Variants in KIAA1217 observed in about 807,000 individuals in gnomAD.
The protein encoded by KIAA1217 is sickle tail protein homolog.
In KIAA1217, 88 loss-of-function variants were observed where a neutral mutation model predicts 163.9. That is an observed-to-expected ratio of 0.54 (90% CI 0.45 to 0.64). KIAA1217 has a LOEUF of 0.64. KIAA1217 is among the 30% of genes least tolerant of loss of function. KIAA1217 has a pLI of 0.00. For synonymous variants in KIAA1217, 903 were observed against 923.1 expected (o/e 0.98, Z 0.39); for missense variants, 2,372 against 2,475.0 (o/e 0.96, Z 0.88).
chr10:24,358,470 A>T (rs1234716701), intron 2 of KIAA1217, among the ~76,000 whole-genome samples: 1 of 152,220 alleles, frequency 6.6e-6, no homozygotes, highest in Non-Finnish European at 1.5e-5. Context: ...TGTGAATGTG[A>T]TACCAGTCCT....
At chr10:23,746,250 A>G (rs867666297) in intron 1 of KIAA1217, among the ~76,000 whole-genome samples, 3 of 152,110 alleles carry the variant, frequency 2.0e-5, no homozygotes, top group African/African-American at 4.8e-5. Flanking sequence ...CTCTTTCACC[A>G]TGTGATCTTT....
At chr10:23,905,063 C>CTTTTTTTTTTTTT (rs562938938) in intron 1 of KIAA1217, among the ~76,000 whole-genome samples, 17 of 99,944 alleles carry the variant, frequency 1.7e-4, no homozygotes, top group East Asian at 8.4e-4. Flanking sequence ...TTCTCTTTTC[C>CTTTTTTTTTTTTT]TTTTTTTTTT....
At chr10:24,323,373 G>A (rs749979077) in intron 2 of KIAA1217, among the ~76,000 whole-genome samples, 8 of 152,098 alleles carry the variant, frequency 5.3e-5, no homozygotes, top group Non-Finnish European at 1.2e-4. Context: ...AGATTTTTGC[G>A]TGCCGTCAGT....
At chr10:24,131,120 C>T (rs1454474308) in intron 2 of KIAA1217, among the ~76,000 whole-genome samples, 1 of 152,166 alleles carries the variant, frequency 6.6e-6, no homozygotes, top group Non-Finnish European at 1.5e-5. Context: ...AATCACTTTC[C>T]TTCTATTTTA....
At chr10:24,410,381 G>A (rs1411363256) in intron 3 of KIAA1217, among the ~76,000 whole-genome samples, 1 of 152,104 alleles carries the variant, frequency 6.6e-6, no homozygotes, top group Non-Finnish European at 1.5e-5. Context: ...AAACTGTTTT[G>A]AAAACAGAGA....
intron 3 of KIAA1217, among the ~76,000 whole-genome samples, chr10:24,385,669 G>T (rs2053907506): frequency 6.6e-6 from 1 of 152,140 alleles, no homozygotes; most frequent in African/African-American, 2.4e-5. Context: ...AGAGTGATGG[G>T]TTCCCTGCCC....
chr10:24,079,417 C>T (rs140412835), intron 2 of KIAA1217, among the ~76,000 whole-genome samples: 380 of 152,210 alleles, frequency 2.5e-3, no homozygotes, highest in African/African-American at 8.1e-3. Context: ...TCCACGCTCT[C>T]CTGGTACACT....
At chr10:23,823,876 T>G (rs74568034) in intron 1 of KIAA1217, among the ~76,000 whole-genome samples, 1,884 of 148,716 alleles carry the variant, frequency 0.013, 33 homozygotes, top group South Asian at 0.053. Flanking sequence ...GAAAGTTGCA[T>G]AGATGGAGAA....
At chr10:24,464,276 A>G (rs2062714914) in intron 5 of KIAA1217, among the ~76,000 whole-genome samples, 1 of 152,118 alleles carries the variant, frequency 6.6e-6, no homozygotes, top group Non-Finnish European at 1.5e-5. Flanking sequence ...CTGCTCTTGT[A>G]ATGACGAATC....
chr10:24,372,975 A>T (rs1296218710), intron 2 of KIAA1217, among the ~76,000 whole-genome samples: 1 of 152,252 alleles, frequency 6.6e-6, no homozygotes, highest in Non-Finnish European at 1.5e-5. Context: ...TGAGAAATTC[A>T]TCCTCATCAT....
intron 1 of KIAA1217, among the ~76,000 whole-genome samples, chr10:23,731,486 G>A (rs971866028): frequency 2.0e-5 from 3 of 152,188 alleles, no homozygotes; most frequent in African/African-American, 7.2e-5. Flanking sequence ...TCTCTTATCC[G>A]GTGAAAAAGG....
rs1245423030 is a variant in KIAA1217, at chr10:23,779,597, G to A, written c.-321+84363G>A. Reference sequence around the variant, plus strand: ...GTAATTGTCAGCACTGTTATTTTACGTTTACCCTGTCCTTTAAATGCTCTA... The same window carrying A: ...GTAATTGTCAGCACTGTTATTTTACATTTACCCTGTCCTTTAAATGCTCTA... On this transcript the variant is annotated intron_variant, in intron 1 of 18. Coordinates refer to the KIAA1217 transcript ENST00000376462. Among the ~76,000 whole-genome samples, 5 of 152,068 alleles carry A rather than the reference G, an allele frequency of 3.3e-5. No homozygotes were observed. In the East Asian group the frequency reaches 5.8e-4, roughly 18 times the overall value.
chr10:23,834,666 G>A (rs893630101), intron 1 of KIAA1217, among the ~76,000 whole-genome samples: 2 of 152,212 alleles, frequency 1.3e-5, no homozygotes, highest in Admixed American at 6.5e-5. Flanking sequence ...TGGCTGGAAT[G>A]AAGAAAGGAA....
intron 1 of KIAA1217, among the ~76,000 whole-genome samples, chr10:23,915,234 G>C (rs1196493707): frequency 6.6e-6 from 1 of 152,122 alleles, no homozygotes; most frequent in Non-Finnish European, 1.5e-5. Flanking sequence ...TAAGAAAAAA[G>C]AAGAGGTCCT....
At chr10:23,932,057 T>A (rs1843274952) in intron 1 of KIAA1217, among the ~76,000 whole-genome samples, 1 of 152,088 alleles carries the variant, frequency 6.6e-6, no homozygotes, top group South Asian at 2.1e-4. Flanking sequence ...AGCAGAAGAA[T>A]GCACACCTGG....
intron 3 of KIAA1217, among the ~76,000 whole-genome samples, chr10:24,394,727 C>T (rs908230608): frequency 3.9e-5 from 6 of 152,132 alleles, no homozygotes; most frequent in African/African-American, 1.2e-4. Flanking sequence ...ACATCCCTGC[C>T]GCTCTCTGCT....
chr10:23,744,706 C>T (rs1433589220), intron 1 of KIAA1217, among the ~76,000 whole-genome samples: 1 of 152,138 alleles, frequency 6.6e-6, no homozygotes, highest in Non-Finnish European at 1.5e-5. Flanking sequence ...TGCAGAGAAA[C>T]AGAACCAATA....
chr10:24,433,583 C>T (rs1048514958), intron 4 of KIAA1217, among the ~76,000 whole-genome samples: 1 of 152,100 alleles, frequency 6.6e-6, no homozygotes, highest in Non-Finnish European at 1.5e-5. Context: ...TTCAGTCCAC[C>T]ATTTTATCTA....
intron 2 of KIAA1217, among the ~76,000 whole-genome samples, chr10:24,051,061 A>G (rs1295237678): frequency 6.6e-6 from 1 of 152,152 alleles, no homozygotes; most frequent in Non-Finnish European, 1.5e-5. Context: ...GTAGTGTTTT[A>G]TCCTTCACCC....
Sources: gnomAD v4.1 joint callset for allele counts (sites outside exome capture counted in the v4.1 genomes callset) on GRCh38, gnomAD v4.1.1 for gene constraint, MANE v1.5 for transcripts, NCBI Gene and HGNC (gene_info 2026-07-23, HGNC 2026-07-21) for gene names.